Variants in FANCF observed in about 807,000 individuals in gnomAD.
The protein encoded by FANCF is Fanconi anemia group F protein.
For missense variants in FANCF, 552 were observed against 481.8 expected (o/e 1.15, Z -1.36); for synonymous variants, 257 against 205.9 (o/e 1.25, Z -2.13).
In FANCF at chr11:22,624,089, C is replaced by T. The variant is rs373336301; in HGVS notation, c.*597G>A. 12 of 234,450 alleles carry T rather than the reference C, an allele frequency of 5.1e-5. No homozygotes were observed. Among genetic ancestry groups the T allele is most frequent in the East Asian group, 3.0e-4 (5 of 16,422 alleles). The allele number at this position is 234,450 out of a possible 1,614,324, so 14.5% of individuals were successfully genotyped here. A position where few individuals can be genotyped will look rare whatever the true frequency, so the allele number is the denominator to read the frequency against. ...GTGCTTTAAACATTTGTCTGTGCGT[C>T]AATGCTTTAAAGGGACATACTATGT... On this transcript the variant is annotated 3_prime_UTR_variant, in exon 1 of 1. Transcript: ENST00000327470.
In FANCF at chr11:22,622,931, AGT is replaced by A. The variant is rs1374633823; in HGVS notation, c.*1753_*1754del. The A allele has an allele frequency of 1.0e-5, 2 of 195,862 alleles. No homozygotes were observed. Among genetic ancestry groups the A allele is most frequent in the East Asian group, 8.1e-5 (1 of 12,320 alleles). 12.1% of individuals were successfully genotyped at this position (195,862 alleles called of 1,614,324 possible). A position where few individuals can be genotyped will look rare whatever the true frequency, so the allele number is the denominator to read the frequency against. ...TCTTTACAATTTTATTGTAAATCATAGTGTGAGATACAGCTGCAAATATAGGG... is the reference window on the plus strand; with the variant it reads ...TCTTTACAATTTTATTGTAAATCATAGTGAGATACAGCTGCAAATATAGGG... On this transcript the variant is annotated 3_prime_UTR_variant, in exon 1 of 1. Coordinates refer to ENST00000327470, the MANE Select transcript of FANCF (RefSeq NM_022725.4).
Position 22,625,385 on chromosome 11 carries a change from C to A in FANCF, c.426G>T (p.Ala142=), listed in dbSNP as rs1266192294. The change falls in exon 1 of 1, where the codon GCG becomes GCT. Residue 142 remains alanine, a synonymous_variant. Coordinates refer to ENST00000327470, the MANE Select transcript of FANCF (RefSeq NM_022725.4). ...AGCCATTGAAGCGCAGCATGTGCAC[C>A]GCAGACCGCCGGCGGGCAAGGCGGG... ...SLARLARRRS[A]VHMLRFNGYR... The A allele has an allele frequency of 6.2e-7, 1 of 1,614,152 alleles. No individual in the cohort carries two copies. Among genetic ancestry groups the A allele is most frequent in the Non-Finnish European group, 8.5e-7 (1 of 1,180,034 alleles).
rs746415789 is a variant in FANCF at position 22,625,542 on chromosome 11, T to C, written c.269A>G (p.Asp90Gly). The change falls in exon 1 of 1, where the codon GAC (aspartate) becomes GGC (glycine). Residue 90 changes from aspartate to glycine, a missense_variant. By Grantham distance (94) the Asp-to-Gly change is moderately conservative. Coordinates refer to ENST00000327470, the MANE Select transcript of FANCF (RefSeq NM_022725.4). ...CAGCAGGCGCAGAGAGAGCAGGACG[T>C]CACAGTGACCGAGGGCCTGGAAGTT... ...LANFQALGHC[D>G]VLLSLRLLEN... 6.2e-7 allele frequency: 1 copy of C among 1,614,052 alleles called. No homozygotes were observed. The highest frequency in any genetic ancestry group is 1.6e-4 in the Middle Eastern group (1 of 6,062).
rs1040193693 is a variant in FANCF, at chr11:22,622,728, G to A, written c.*1958C>T. On this transcript the variant is annotated 3_prime_UTR_variant, in exon 1 of 1. Coordinates refer to ENST00000327470, the MANE Select transcript of FANCF (RefSeq NM_022725.4). The stretch of plus-strand genomic sequence containing the variant: ...CGGCTTCCACTTTCATGTTGCTTTT[G>A]TTTATACCCTTGGGCATTTTACTTA... The A allele has an allele frequency of 5.2e-6, 1 of 192,616 alleles. No homozygotes were observed. Among genetic ancestry groups the A allele is most frequent in the African/African-American group, 2.3e-5 (1 of 43,092 alleles). The allele number at this position is 192,616 out of a possible 1,614,324, so 11.9% of individuals were successfully genotyped here.
chr11:22,625,382 C>T lies in FANCF; in HGVS notation c.429G>A (p.Val143=), dbSNP rs1244376115. The T allele has an allele frequency of 6.2e-7, 1 of 1,614,204 alleles. No homozygotes were observed. Among genetic ancestry groups the T allele is most frequent in the Admixed American group, 1.7e-5 (1 of 60,038 alleles). The part of the protein sequence containing the change: ...LARLARRRSA[V]HMLRFNGYRE... ...TATAGCCATTGAAGCGCAGCATGTG[C>T]ACCGCAGACCGCCGGCGGGCAAGGC... is the stretch of plus-strand genomic sequence containing the variant. Residue 143 remains valine, a synonymous_variant, in exon 1 of 1, where the codon GTG becomes GTA. Coordinates refer to ENST00000327470, the MANE Select transcript of FANCF (RefSeq NM_022725.4).
chr11:22,625,370 G>A lies in FANCF; in HGVS notation c.441C>T (p.Arg147=), dbSNP rs1382881044. The A allele has an allele frequency of 6.2e-7, 1 of 1,614,114 alleles. No homozygotes were observed. The highest frequency in any genetic ancestry group is 1.3e-5 in the African/African-American group (1 of 74,954). Residue 147 remains arginine (R), a synonymous_variant, in exon 1 of 1, where the codon CGC becomes CGT. Coordinates refer to ENST00000327470, the MANE Select transcript of FANCF (RefSeq NM_022725.4). ...ARRRSAVHML[R]FNGYRENPNL... is the part of the protein sequence containing the mutation. The stretch of plus-strand genomic sequence containing the variant: ...TTGGGTTCTCTCTATAGCCATTGAA[G>A]CGCAGCATGTGCACCGCAGACCGCC...
At position 22,623,081 on chromosome 11, in the gene FANCF, T is replaced by C. The variant is rs1195030327; in HGVS notation, c.*1605A>G. ...CGCAACTGACAGGAGGAATTGTCTT[T>C]ATTCTTGCATTAATGATAAATGTAA... is the stretch of plus-strand genomic sequence containing the variant. On this transcript the variant is annotated 3_prime_UTR_variant, in exon 1 of 1. Transcript: ENST00000327470. 9.6e-6 allele frequency: 2 copies of C among 207,392 alleles called. No individual in the cohort carries two copies. The highest frequency in any genetic ancestry group is 2.0e-5 in the Non-Finnish European group (2 of 101,570). The allele number at this position is 207,392 out of a possible 1,614,324, so 12.8% of individuals were successfully genotyped here.
rs760973698 is a variant in FANCF at position 22,625,386 on chromosome 11, G to T, written c.425C>A (p.Ala142Glu). The T allele has an allele frequency of 6.2e-7, 1 of 1,614,182 alleles. No individual in the cohort carries two copies. Among genetic ancestry groups the T allele is most frequent in the South Asian group, 1.1e-5 (1 of 91,088 alleles). The change falls in exon 1 of 1, where the codon GCG (alanine) becomes GAG (glutamate). Residue 142 changes from alanine to glutamate, a missense_variant. Transcript: ENST00000327470. ...GCCATTGAAGCGCAGCATGTGCACC[G>T]CAGACCGCCGGCGGGCAAGGCGGGC... ...SLARLARRRS[A>E]VHMLRFNGYR... is the part of the protein sequence containing the mutation.
Position 22,623,869 on chromosome 11 carries a change from C to A in FANCF, c.*817G>T, listed in dbSNP as rs142810172. ...ATTAGCCGGGCATGGTGGCCTGCGC[C>A]TGTAATCCCAGCTACTTGGGAGGCT... On this transcript the variant is annotated 3_prime_UTR_variant, in exon 1 of 1. Transcript: ENST00000327470. 55 of 188,002 alleles carry A rather than the reference C, an allele frequency of 2.9e-4. No individual in the cohort carries two copies. Among genetic ancestry groups the A allele is most frequent in the African/African-American group, 1.2e-3 (51 of 42,906 alleles). The allele number at this position is 188,002 out of a possible 1,614,324, so 11.6% of individuals were successfully genotyped here. A position where few individuals can be genotyped will look rare whatever the true frequency, so the allele number is the denominator to read the frequency against.
In FANCF at chr11:22,625,469, T is replaced by C. The variant is rs779538319; in HGVS notation, c.342A>G (p.Gln114=). The stretch of plus-strand genomic sequence containing the variant: ...CCCGGACGCCCGGGCCGGGAAAGAG[T>C]TGCTGCACCAGGTGGTAACGAGCTG... ...GDAARYHLVQ[Q]LFPGPGVRDA... Residue 114 remains glutamine, a synonymous_variant, in exon 1 of 1, where the codon CAA becomes CAG. Coordinates refer to ENST00000327470, the MANE Select transcript of FANCF (RefSeq NM_022725.4). 2 of 1,613,698 alleles carry C rather than the reference T, an allele frequency of 1.2e-6. No individual in the cohort carries two copies. The highest frequency in any genetic ancestry group is 3.3e-5 in the Admixed American group (2 of 59,976).
Position 22,625,643 on chromosome 11 carries a change from C to T in FANCF, c.168G>A (p.Thr56=), listed in dbSNP as rs1565055618. The change falls in exon 1 of 1, where the codon ACG becomes ACA. Residue 56 remains threonine (T), a synonymous_variant. Transcript: ENST00000327470. ...GGTTGTGCAGCCGCCGCTCCAGAGC[C>T]GTGCGAATGGGGCCATGCCGACCAA... ...RRFGRHGPIR[T]ALERRLHNQW... is the part of the protein sequence containing the mutation. The T allele has an allele frequency of 6.2e-7, 1 of 1,613,956 alleles. No homozygotes were observed. The highest frequency in any genetic ancestry group is 1.1e-5 in the South Asian group (1 of 91,082).
chr11:22,625,230 T>C lies in FANCF; in HGVS notation c.581A>G (p.Glu194Gly), dbSNP rs1274843959. Residue 194 changes from glutamate (E) to glycine (G), a missense_variant, in exon 1 of 1, where the codon GAG becomes GGG. Transcript: ENST00000327470. ...CAGGAAGTTGTTCTGAGGCAAGCGCTCCCACAGGCTGCTGAGAAACCTGGC... is the reference window on the plus strand; with the variant it reads ...CAGGAAGTTGTTCTGAGGCAAGCGCCCCCACAGGCTGCTGAGAAACCTGGC... ...RPARFLSSLW[E>G]RLPQNNFLKV... 2.5e-6 allele frequency: 4 copies of C among 1,614,076 alleles called. No homozygotes were observed. Among genetic ancestry groups the C allele is most frequent in the Admixed American group, 3.3e-5 (2 of 60,022 alleles).
Position 22,624,704 on chromosome 11 carries a change from T to C in FANCF, c.1107A>G (p.Ala369=). Residue 369 remains alanine, a synonymous_variant, in exon 1 of 1, where the codon GCA becomes GCG. Transcript: ENST00000327470. ...GCATTGCCTATACAGAACTGAGGCC[T>C]GCGCTGAGACCCAAAACTTGTCTTT... ...FRKRQVLGLS[A]GLSSV 1.2e-6 allele frequency: 2 copies of C among 1,614,056 alleles called. No homozygotes were observed. Among genetic ancestry groups the C allele is most frequent in the South Asian group, 1.1e-5 (1 of 91,082 alleles).
chr11:22,625,157 G>A lies in FANCF; in HGVS notation c.654C>T (p.Pro218=), dbSNP rs779948183. 2 of 1,608,542 alleles carry A rather than the reference G, an allele frequency of 1.2e-6. No individual in the cohort carries two copies. Among genetic ancestry groups the A allele is most frequent in the Non-Finnish European group, 1.7e-6 (2 of 1,176,750 alleles). ...GGATGCCGGGTTCCAACTCTTCTTG[G>A]GGCCGACGAGACAAAGGCGGCTGCA... The part of the protein sequence containing the change: ...ALLQPPLSRR[P]QEELEPGIHK... The change falls in exon 1 of 1, where the codon CCC becomes CCT. Residue 218 remains proline, a synonymous_variant. Transcript: ENST00000327470.
rs768798175 is a variant in FANCF at position 22,624,960 on chromosome 11, C to G, written c.851G>C (p.Arg284Pro). Residue 284 changes from arginine to proline, a missense_variant, in exon 1 of 1, where the codon CGT becomes CCT. Physicochemically the swap from Arg to Pro is moderately radical, Grantham distance 103. Coordinates refer to ENST00000327470, the MANE Select transcript of FANCF (RefSeq NM_022725.4). ...YLGLLTDWGQ[R>P]LHYDLQKGIW... ...GCCTTTCTGAAGGTCATAGTGCAAA[C>G]GTTGACCCCAGTCTGTTAGCAGACC... The G allele has an allele frequency of 1.9e-6, 3 of 1,614,204 alleles. No homozygotes were observed. Among genetic ancestry groups the G allele is most frequent in the East Asian group, 2.2e-5 (1 of 44,882 alleles).
chr11:22,623,477 A>C lies in FANCF; in HGVS notation c.*1209T>G. 1 of 199,506 alleles carries C rather than the reference A, an allele frequency of 5.0e-6. No homozygotes were observed. Among genetic ancestry groups the C allele is most frequent in the Non-Finnish European group, 1.0e-5 (1 of 96,400 alleles). The allele number at this position is 199,506 out of a possible 1,614,324, so 12.4% of individuals were successfully genotyped here. A position where few individuals can be genotyped will look rare whatever the true frequency, so the allele number is the denominator to read the frequency against. On this transcript the variant is annotated 3_prime_UTR_variant, in exon 1 of 1. Coordinates refer to ENST00000327470, the MANE Select transcript of FANCF (RefSeq NM_022725.4). ...CTTGAATTTATTCAAGGCAATCACTATCAGCTGTGGAACACCCAGGTAAAC... is the reference window on the plus strand; with the variant it reads ...CTTGAATTTATTCAAGGCAATCACTCTCAGCTGTGGAACACCCAGGTAAAC...
In FANCF at chr11:22,623,054, C is replaced by G. The variant is rs886048150; in HGVS notation, c.*1632G>C. 3 of 206,414 alleles carry G rather than the reference C, an allele frequency of 1.5e-5. No homozygotes were observed. The highest frequency in any genetic ancestry group is 3.0e-5 in the Non-Finnish European group (3 of 100,924). 12.8% of individuals were successfully genotyped at this position (206,414 alleles called of 1,614,324 possible). On this transcript the variant is annotated 3_prime_UTR_variant, in exon 1 of 1. Transcript: ENST00000327470. ...ACTGGGTTGTTTCTTAAAAAAAATT[C>G]ACGCAACTGACAGGAGGAATTGTCT... is the stretch of plus-strand genomic sequence containing the variant.
At position 22,625,092 on chromosome 11, in the gene FANCF, C is replaced by T. The variant is rs771913921; in HGVS notation, c.719G>A (p.Trp240Ter). The change falls in exon 1 of 1, where the codon TGG (tryptophan) becomes TAG (stop). Residue 240 changes from tryptophan to a stop codon, truncating the protein, a stop_gained. Transcript: ENST00000327470. LOFTEE classifies it low-confidence loss of function (END_TRUNC). ...AAAGACTTCCGAATTCCCCAGAAGC[C>T]AGTGGACTAGCACTTGGCTCCCCTC... ...PGEGSQVLVH[W>*]LLGNSEVFAA... 6.2e-7 allele frequency: 1 copy of T among 1,613,600 alleles called. No individual in the cohort carries two copies.
chr11:22,624,553 T>C lies in FANCF; in HGVS notation c.*133A>G. Reference sequence around the variant, plus strand: ...AGCTACTTTGCATATTTATAACTGTTTAATAAACTATTCAAAATTAGCATC... The same window carrying C: ...AGCTACTTTGCATATTTATAACTGTCTAATAAACTATTCAAAATTAGCATC... On this transcript the variant is annotated 3_prime_UTR_variant, in exon 1 of 1. Transcript: ENST00000327470. 7.2e-6 allele frequency: 6 copies of C among 830,122 alleles called. No individual in the cohort carries two copies. The South Asian group carries it at 9.2e-5, about 13-fold the overall frequency. The allele number at this position is 830,122 out of a possible 1,614,324, so 51.4% of individuals were successfully genotyped here.
Sources: gnomAD v4.1 joint callset for allele counts on GRCh38, gnomAD v4.1.1 for gene constraint, MANE v1.5 for transcripts, NCBI Gene and HGNC (gene_info 2026-07-23, HGNC 2026-07-21) for gene names.